IMMP2L: variants seen among roughly 807,000 people sequenced by gnomAD.
IMMP2L encodes mitochondrial inner membrane protease subunit 2.
In IMMP2L, 18 loss-of-function variants were observed where a neutral mutation model predicts 19.3. The observed-to-expected ratio is 0.93, with a 90% CI of 0.64 to 1.38. The LOEUF is 1.38. Among genes scored for constraint, IMMP2L ranks in the 40% most tolerant of loss-of-function variants. The probability of loss-of-function intolerance (pLI) is 0.00; values close to 1 mark genes in which losing one functional copy is unlikely to be tolerated. For synonymous variants in IMMP2L, 76 were observed against 73.0 expected (o/e 1.04, Z -0.21); for missense variants, 233 against 218.2 (o/e 1.07, Z -0.43).
At chr7:111,480,597 CAAAAAAAAAAAAAA>C (rs925037556) in intron 3 of IMMP2L, among the ~76,000 whole-genome samples, 1 of 55,058 alleles carries the variant, frequency 1.8e-5, no homozygotes, top group Non-Finnish European at 4.3e-5. Flanking sequence ...ATTTTACTGT[CAAAAAAAAAAAAAA>C]AAAAAAAAAA....
At chr7:111,253,092 T>C (rs1480470432) in intron 3 of IMMP2L, among the ~76,000 whole-genome samples, 1 of 152,128 alleles carries the variant, frequency 6.6e-6, no homozygotes. Context: ...AAATGAAATA[T>C]GGAAAAGACT....
chr7:111,437,695 A>G (rs80326351), intron 3 of IMMP2L, among the ~76,000 whole-genome samples: 3,241 of 151,842 alleles, frequency 0.021, 203 homozygotes, highest in African/African-American at 0.075. Context: ...TATGGTATCT[A>G]TTTTTATCTG....
intron 1 of IMMP2L, among the ~76,000 whole-genome samples, chr7:111,542,336 A>G (rs955529478): frequency 2.0e-5 from 3 of 152,280 alleles, no homozygotes; most frequent in East Asian, 3.9e-4. Context: ...TGTGTTGATT[A>G]AAATTTTATA....
intron 3 of IMMP2L, among the ~76,000 whole-genome samples, chr7:111,242,227 A>C (rs1000101909): frequency 1.3e-4 from 20 of 152,106 alleles, no homozygotes; most frequent in African/African-American, 4.3e-4. Context: ...CTCAGTGATC[A>C]GTCAGTTCAG....
chr7:111,498,012 A>G (rs2132394747), intron 2 of IMMP2L, among the ~76,000 whole-genome samples: 1 of 152,052 alleles, frequency 6.6e-6, no homozygotes, highest in Non-Finnish European at 1.5e-5. Context: ...GTGCTTTTAT[A>G]TTAATGTAAG....
chr7:111,307,096 C>T (rs1253119475), intron 3 of IMMP2L, among the ~76,000 whole-genome samples: 1 of 150,474 alleles, frequency 6.6e-6, no homozygotes, highest in African/African-American at 2.4e-5. Context: ...AAGATGGGAA[C>T]CTCAAAAAAG....
rs145573421 is a variant in IMMP2L at position 110,888,266 on chromosome 7, A to G, written c.306-1571T>C. Among the ~76,000 whole-genome samples the G allele has an allele frequency of 3.8e-3, 583 of 152,334 alleles. 3 individuals carry two copies. The highest frequency in any genetic ancestry group is 0.013 in the African/African-American group (527 of 41,582). ...AGTGTTCTTCAATTAAAATCAGTCA[A>G]TTAGTTCCTGACATCACTACAGCTT... On this transcript the variant is annotated intron_variant, in intron 4 of 5. Transcript: ENST00000405709.
At chr7:111,550,488 T>C (rs915305086) in intron 1 of IMMP2L, among the ~76,000 whole-genome samples, 1 of 152,072 alleles carries the variant, frequency 6.6e-6, no homozygotes, top group African/African-American at 2.4e-5. Context: ...TCATCAATTG[T>C]AGCAAACGTA....
chr7:111,008,312 A>G (rs900821184), intron 3 of IMMP2L, among the ~76,000 whole-genome samples: 2 of 151,990 alleles, frequency 1.3e-5, no homozygotes, highest in African/African-American at 4.8e-5. Flanking sequence ...TCTTGATCAC[A>G]CTGACTGCCT....
chr7:111,064,682 C>T (rs548080433), intron 3 of IMMP2L, among the ~76,000 whole-genome samples: 1 of 152,100 alleles, frequency 6.6e-6, no homozygotes, highest in Admixed American at 6.6e-5. Flanking sequence ...GGAGGCACAA[C>T]AATGATTCCA....
At chr7:111,557,735 T>A (rs113378588) in intron 1 of IMMP2L, among the ~76,000 whole-genome samples, 6,973 of 152,280 alleles carry the variant, frequency 0.046, 249 homozygotes, top group South Asian at 0.081. Context: ...AGATCCTTGG[T>A]CAAAGATGAC....
chr7:111,117,109 C>T (rs1799972760), intron 3 of IMMP2L, among the ~76,000 whole-genome samples: 1 of 151,994 alleles, frequency 6.6e-6, no homozygotes, highest in Admixed American at 6.6e-5. Context: ...TTAAAAGCCC[C>T]ATAATGACTA....
At chr7:110,700,452 T>C (rs1794201005) in intron 5 of IMMP2L, among the ~76,000 whole-genome samples, 1 of 152,222 alleles carries the variant, frequency 6.6e-6, no homozygotes, top group Non-Finnish European at 1.5e-5. Context: ...TTTCCAAATA[T>C]TCAGGCCGTA....
chr7:111,307,192 T>C (rs1430002381), intron 3 of IMMP2L, among the ~76,000 whole-genome samples: 2 of 151,706 alleles, frequency 1.3e-5, no homozygotes, highest in Admixed American at 1.3e-4. Flanking sequence ...ATTTTATTGA[T>C]ATATTCCAGA....
intron 3 of IMMP2L, among the ~76,000 whole-genome samples, chr7:111,471,923 C>G (rs1841308571): frequency 1.3e-5 from 2 of 152,140 alleles, no homozygotes; most frequent in South Asian, 2.1e-4. Context: ...ACTCAGGTCA[C>G]CTAGCTACTG....
At position 111,308,738 on chromosome 7, in the gene IMMP2L, A is replaced by G. The variant is rs1034500855; in HGVS notation, c.239+178500T>C. Among the ~76,000 whole-genome samples, 4 of 152,008 alleles carry G rather than the reference A, an allele frequency of 2.6e-5. No homozygotes were observed. In the South Asian group the frequency reaches 6.2e-4, roughly 24 times the overall value. ...AAATTCTCAGGAGAAATTTTGGGGGAAAAAAAGATGTATTCTTCAATAATA... is the reference window on the plus strand; with the variant it reads ...AAATTCTCAGGAGAAATTTTGGGGGGAAAAAAGATGTATTCTTCAATAATA... On this transcript the variant is annotated intron_variant, in intron 3 of 5. Coordinates refer to ENST00000405709, the MANE Select transcript of IMMP2L (RefSeq NM_032549.4).
intron 3 of IMMP2L, among the ~76,000 whole-genome samples, chr7:111,329,641 G>A (rs571899618): frequency 6.6e-5 from 10 of 152,016 alleles, no homozygotes; most frequent in East Asian, 1.9e-4. Flanking sequence ...TTGCAAAGGC[G>A]TCACTTTGGA....
Position 110,888,975 on chromosome 7 carries a change from C to T in IMMP2L, c.306-2280G>A, listed in dbSNP as rs143045187. Among the ~76,000 whole-genome samples the T allele has an allele frequency of 7.1e-3, 1,082 of 152,182 alleles. 9 individuals carry two copies. The highest frequency in any genetic ancestry group is 0.023 in the African/African-American group (938 of 41,524). On this transcript the variant is annotated intron_variant, in intron 4 of 5. Coordinates refer to ENST00000405709, the MANE Select transcript of IMMP2L (RefSeq NM_032549.4). ...AGAATAAAAAATACTGCCATAAAGG[C>T]AGAATAATAGAGTGGGAAGTACATA...
chr7:111,342,110 T>C (rs1827068555), intron 3 of IMMP2L, among the ~76,000 whole-genome samples: 1 of 152,042 alleles, frequency 6.6e-6, no homozygotes, highest in Non-Finnish European at 1.5e-5. Flanking sequence ...CCAAAATATT[T>C]TAAAAGACAA....
Sources: gnomAD v4.1 joint callset for allele counts (sites outside exome capture counted in the v4.1 genomes callset) on GRCh38, gnomAD v4.1.1 for gene constraint, MANE v1.5 for transcripts, NCBI Gene and HGNC (gene_info 2026-07-23, HGNC 2026-07-21) for gene names.